The following HIPK2 variants were observed in gnomAD, a reference collection of about 807,000 sequenced individuals.
HIPK2 encodes the protein homeodomain-interacting protein kinase 2.
In HIPK2, 27 loss-of-function variants were observed where a neutral mutation model predicts 113.7. The ratio of observed to expected loss-of-function variants is 0.24; its 90% confidence interval spans 0.17 to 0.33. The LOEUF (loss-of-function observed/expected upper bound fraction) is 0.33, where lower values mean the gene tolerates loss of function less well. HIPK2 is among the 10% of genes least tolerant of loss of function. The pLI is 1.00. For missense variants in HIPK2, 1,257 were observed against 1,588.0 expected (o/e 0.79, Z 3.54); for synonymous variants, 631 against 642.2 (o/e 0.98, Z 0.26).
intron 2 of HIPK2, among the ~76,000 whole-genome samples, chr7:139,639,131 C>T (rs137895585): frequency 6.6e-6 from 1 of 152,276 alleles, no homozygotes; most frequent in East Asian, 1.9e-4. Context: ...GAGGTAGTTC[C>T]CCATTTGGCC....
At chr7:139,682,249 C>A (rs1386705992) in intron 2 of HIPK2, among the ~76,000 whole-genome samples, 2 of 152,204 alleles carry the variant, frequency 1.3e-5, no homozygotes. Flanking sequence ...CCACCACATG[C>A]CCTCACTCAC....
chr7:139,647,136 T>A (rs1044572013), intron 2 of HIPK2, among the ~76,000 whole-genome samples: 88 of 145,444 alleles, frequency 6.1e-4, no homozygotes, highest in Non-Finnish European at 9.3e-4. Flanking sequence ...TTTTTTTTTT[T>A]AAATAAGAAT....
chr7:139,575,025 C>T, intron 14 of HIPK2, 103 bp downstream of exon 14: 2 of 1,416,624 alleles, frequency 1.4e-6, no homozygotes, highest in South Asian at 1.4e-5. Context: ...AGGACTGCAG[C>T]CCTGTGAGGT....
intron 1 of HIPK2, 152 bp from the exon 2 acceptor site, chr7:139,717,167 C>A: frequency 1.7e-6 from 1 of 605,914 alleles, no homozygotes. Flanking sequence ...ATCTCTTCCA[C>A]CCAGAAGCAC....
intron 1 of HIPK2, among the ~76,000 whole-genome samples, chr7:139,751,758 A>G (rs987084516): frequency 4.6e-5 from 7 of 152,244 alleles, no homozygotes; most frequent in African/African-American, 1.7e-4. Flanking sequence ...GGCAGATGCC[A>G]TAAGAATCAC....
chr7:139,731,563 G>C lies in HIPK2; in HGVS notation c.20-14548C>G, dbSNP rs552532731. Reference sequence around the variant, plus strand: ...CAAAGGGCCGCCAAATGGGTTCTGCGCTCAGTGCAACACCTGTTTGCACAC... The same window carrying C: ...CAAAGGGCCGCCAAATGGGTTCTGCCCTCAGTGCAACACCTGTTTGCACAC... On this transcript the variant is annotated intron_variant, in intron 1 of 14. Coordinates refer to ENST00000406875, the MANE Select transcript of HIPK2 (RefSeq NM_022740.5). 2.6e-4 allele frequency among the ~76,000 whole-genome samples: 39 copies of C among 152,238 alleles called. 1 individual carries two copies. The highest frequency in any genetic ancestry group is 9.4e-4 in the African/African-American group (39 of 41,558).
intron 2 of HIPK2, among the ~76,000 whole-genome samples, chr7:139,660,551 C>T (rs1002761037): frequency 6.6e-6 from 1 of 152,216 alleles, no homozygotes; most frequent in African/African-American, 2.4e-5. Context: ...AAGGCCCCAT[C>T]GGTTGGGCTG....
chr7:139,658,232 G>C (rs1244955382), intron 2 of HIPK2, among the ~76,000 whole-genome samples: 1 of 151,916 alleles, frequency 6.6e-6, no homozygotes, highest in East Asian at 1.9e-4. Flanking sequence ...CTTGAACCCA[G>C]GAGGCGGAGG....
chr7:139,622,171 C>T (rs771771343), intron 6 of HIPK2, among the ~76,000 whole-genome samples: 3 of 152,148 alleles, frequency 2.0e-5, no homozygotes, highest in Non-Finnish European at 2.9e-5. Flanking sequence ...TTTCAAATGA[C>T]TGACTGAGAC....
intron 2 of HIPK2, among the ~76,000 whole-genome samples, chr7:139,701,531 G>A (rs1794708387): frequency 6.6e-6 from 1 of 152,156 alleles, no homozygotes; most frequent in African/African-American, 2.4e-5. Context: ...ATAGCTGGCG[G>A]GACGCTGAGA....
At position 139,562,615 on chromosome 7, in the gene HIPK2, G is replaced by A. The variant is rs1455973881; in HGVS notation, c.*10312C>T. ...TGATTTGTTGCCCCCGTCACCCACTGATGCGCTTGAAGCTGGGACCCAGTG... is the reference window on the plus strand; with the variant it reads ...TGATTTGTTGCCCCCGTCACCCACTAATGCGCTTGAAGCTGGGACCCAGTG... On this transcript the variant is annotated 3_prime_UTR_variant, in exon 15 of 15. Transcript: ENST00000406875. 1 of 152,276 alleles carries A rather than the reference G, an allele frequency of 6.6e-6. No individual in the cohort carries two copies. Among genetic ancestry groups the A allele is most frequent in the Non-Finnish European group, 1.5e-5 (1 of 68,082 alleles). The allele number at this position is 152,276 out of a possible 1,614,324, so 9.4% of individuals were successfully genotyped here. A position where few individuals can be genotyped will look rare whatever the true frequency, so the allele number is the denominator to read the frequency against.
At chr7:139,652,428 C>A (rs1277425216) in intron 2 of HIPK2, among the ~76,000 whole-genome samples, 1 of 152,178 alleles carries the variant, frequency 6.6e-6, no homozygotes, top group African/African-American at 2.4e-5. Flanking sequence ...ATTGAGCTCC[C>A]AGCATGTTCA....
At chr7:139,651,972 T>C (rs1464200347) in intron 2 of HIPK2, among the ~76,000 whole-genome samples, 3 of 152,212 alleles carry the variant, frequency 2.0e-5, no homozygotes, top group Non-Finnish European at 4.4e-5. Context: ...TACAATAACA[T>C]TAGAGAGGAA....
At chr7:139,604,440 G>A (rs1280893953) in intron 9 of HIPK2, among the ~76,000 whole-genome samples, 1 of 152,106 alleles carries the variant, frequency 6.6e-6, no homozygotes, top group African/African-American at 2.4e-5. Context: ...CTAGCACTTT[G>A]GGAGGCTGAG....
intron 2 of HIPK2, among the ~76,000 whole-genome samples, chr7:139,689,183 G>A (rs535356321): frequency 1.3e-5 from 2 of 152,292 alleles, no homozygotes; most frequent in East Asian, 3.9e-4. Context: ...CTCCCCAAGA[G>A]CTGGGGAAAT....
intron 1 of HIPK2, among the ~76,000 whole-genome samples, chr7:139,752,194 T>C (rs142294941): frequency 9.2e-5 from 14 of 152,194 alleles, no homozygotes; most frequent in Middle Eastern, 3.4e-3. Flanking sequence ...TTTCAAATGG[T>C]CTCCAACCTC....
At chr7:139,625,964 C>T (rs1320536421) in intron 6 of HIPK2, among the ~76,000 whole-genome samples, 2 of 152,152 alleles carry the variant, frequency 1.3e-5, no homozygotes, top group Non-Finnish European at 2.9e-5. Context: ...ACTACCGTTT[C>T]GGGCACCTCT....
Position 139,613,321 on chromosome 7 carries a change from A to G in HIPK2, c.1993T>C (p.Leu665=), listed in dbSNP as rs756910952. The change falls in exon 9 of 15, where the codon TTG becomes CTG. Residue 665 remains leucine (L), a splice_region_variant and synonymous_variant. Transcript: ENST00000406875. This position sits in a 1 kb window ranked among gnomAD's most constrained non-coding sequence, Gnocchi z 4.2. ...LIVCPPGFQG[L]QASPSKHAGY... is the part of the protein sequence containing the mutation. ...GCGTGCTTAGAGGGAGAGGCCTGCAAGCCTGTTCCAGACAGTGTGAGGGAG... is the reference window on the plus strand; with the variant it reads ...GCGTGCTTAGAGGGAGAGGCCTGCAGGCCTGTTCCAGACAGTGTGAGGGAG... The G allele has an allele frequency of 6.2e-7, 1 of 1,613,302 alleles. No individual in the cohort carries two copies. The highest frequency in any genetic ancestry group is 2.2e-5 in the East Asian group (1 of 44,852).
intron 1 of HIPK2, among the ~76,000 whole-genome samples, chr7:139,732,417 C>T (rs978455827): frequency 6.6e-6 from 1 of 152,238 alleles, no homozygotes; most frequent in Non-Finnish European, 1.5e-5. Context: ...GAGGTGCCCA[C>T]TCAGATAATA....
Sources: gnomAD v4.1 joint callset for allele counts (sites outside exome capture counted in the v4.1 genomes callset) on GRCh38, gnomAD v4.1.1 for gene constraint, Gnocchi (gnomAD v3.1) non-coding constraint, MANE v1.5 for transcripts, NCBI Gene and HGNC (gene_info 2026-07-23, HGNC 2026-07-21) for gene names.